Variants in ANKRD30B observed in about 807,000 individuals in gnomAD.
The protein encoded by ANKRD30B is ankyrin repeat domain-containing protein 30B.
Under a neutral mutation model 202.2 loss-of-function variants are expected in ANKRD30B, and 144 were observed. The observed-to-expected ratio is 0.71, with a 90% confidence interval of 0.62 to 0.82. ANKRD30B has a LOEUF of 0.82. Ranked by LOEUF, ANKRD30B falls within the 40% of genes least tolerant of loss-of-function variation. The probability of loss-of-function intolerance (pLI) is 0.00; values close to 1 mark genes in which losing one functional copy is unlikely to be tolerated. For missense variants in ANKRD30B, 1,487 were observed against 1,669.1 expected, an observed-to-expected ratio of 0.89 and a Z score of 1.90; for synonymous variants, 508 against 561.3, an observed-to-expected ratio of 0.91 and a Z score of 1.34.
Position 14,782,517 on chromosome 18 carries a change from C to G in ANKRD30B, c.1483-10C>G, listed in dbSNP as rs1967814586. On this transcript the variant is annotated splice_polypyrimidine_tract_variant and intron_variant, in intron 11 of 43. Transcript: ENST00000690538. ...AAATTGAAATTATCTATTGATACTA[C>G]TTTTAACAGAGTCTCTTTGAGAGTT... 1.3e-6 allele frequency: 2 copies of G among 1,540,846 alleles called. No individual in the cohort carries two copies. The highest frequency in any genetic ancestry group is 1.8e-6 in the Non-Finnish European group (2 of 1,141,986).
chr18:14,841,977 C>T, intron 37 of ANKRD30B, among the ~76,000 whole-genome samples: 1 of 152,214 alleles, frequency 6.6e-6, no homozygotes, highest in Non-Finnish European at 1.5e-5. Context: ...TTTAATGAAG[C>T]AAATTGTTTT....
At chr18:14,875,242 C>T in the ANKRD30B span, among the ~76,000 whole-genome samples, 32 of 152,262 alleles carry the variant, frequency 2.1e-4, 1 homozygote, top group Admixed American at 1.8e-3. Context: ...GCAAGGAAAC[C>T]CCATAACCTT....
At chr18:14,807,868 T>C (rs916034058) in intron 24 of ANKRD30B, among the ~76,000 whole-genome samples, 22 of 151,136 alleles carry the variant, frequency 1.5e-4, no homozygotes, top group Admixed American at 5.9e-4. Context: ...TTGACTTTTC[T>C]GTATAAGTGG....
intron 22 of ANKRD30B, among the ~76,000 whole-genome samples, chr18:14,800,240 C>T (rs1156487886): frequency 6.7e-6 from 1 of 149,102 alleles, no homozygotes; most frequent in African/African-American, 2.6e-5. Flanking sequence ...AAGCAAACAA[C>T]CATAAATTCA....
chr18:14,862,437 C>A, the ANKRD30B span, among the ~76,000 whole-genome samples: 1 of 152,152 alleles, frequency 6.6e-6, no homozygotes, highest in Non-Finnish European at 1.5e-5. Context: ...ACAAATGAGA[C>A]ATTGCAAAGG....
the ANKRD30B span, among the ~76,000 whole-genome samples, chr18:14,880,012 A>C: frequency 6.6e-6 from 1 of 152,102 alleles, no homozygotes; most frequent in Non-Finnish European, 1.5e-5. Flanking sequence ...TTTATGGTTC[A>C]GGAATTAGGT....
Position 14,805,744 on chromosome 18 carries a change from T to G in ANKRD30B, c.2284+1920T>G, listed in dbSNP as rs532507294. Among the ~76,000 whole-genome samples the G allele has an allele frequency of 1.6e-3, 246 of 150,996 alleles. 15 individuals carry two copies. Among genetic ancestry groups the G allele is most frequent in the African/African-American group, 5.7e-3 (235 of 40,898 alleles). ...GCATTCTACGTTCAGCTTTTGCATTTATTTTCTCAGTGTCATGATTTGCTC... is the reference window on the plus strand; with the variant it reads ...GCATTCTACGTTCAGCTTTTGCATTGATTTTCTCAGTGTCATGATTTGCTC... On this transcript the variant is annotated intron_variant, in intron 24 of 43. Transcript: ENST00000690538.
At chr18:14,902,094 AG>A in the ANKRD30B span, among the ~76,000 whole-genome samples, 1 of 152,218 alleles carries the variant, frequency 6.6e-6, no homozygotes. Context: ...TGAAAAAATC[AG>A]ATTTTGTGAG....
chr18:14,767,602 T>C (rs542958401), intron 7 of ANKRD30B, among the ~76,000 whole-genome samples: 22 of 152,264 alleles, frequency 1.4e-4, no homozygotes, highest in African/African-American at 4.8e-4. Flanking sequence ...TACTAATTAT[T>C]TCTGGCTATC....
the ANKRD30B span, among the ~76,000 whole-genome samples, chr18:14,922,083 T>C: frequency 2.6e-5 from 4 of 152,164 alleles, no homozygotes; most frequent in African/African-American, 9.7e-5. Context: ...AAAGACAGTC[T>C]TAAATTGCCA....
intron 20 of ANKRD30B, among the ~76,000 whole-genome samples, 151 bp downstream of exon 20, chr18:14,798,005 G>A (rs1339519649): frequency 6.6e-6 from 1 of 152,138 alleles, no homozygotes; most frequent in East Asian, 1.9e-4. Context: ...TTATGTTTGA[G>A]AAAATGTCAT....
At chr18:14,858,670 C>A (rs1379404781), downstream of ANKRD30B, among the ~76,000 whole-genome samples, 1 of 145,298 alleles carries the variant, frequency 6.9e-6, no homozygotes, top group African/African-American at 2.5e-5. Flanking sequence ...CAGAGGCACT[C>A]CTCACATCCC....
chr18:14,809,140 G>T (rs1969751381), intron 26 of ANKRD30B, among the ~76,000 whole-genome samples: 2 of 149,272 alleles, frequency 1.3e-5, no homozygotes, highest in African/African-American at 5.0e-5. Flanking sequence ...AGTTTAGTGA[G>T]GGTGGGGGTG....
At chr18:14,807,329 C>T (rs1969584884) in intron 24 of ANKRD30B, among the ~76,000 whole-genome samples, 1 of 150,686 alleles carries the variant, frequency 6.6e-6, no homozygotes. Context: ...TCTATAAAAG[C>T]TTTTTCATAA....
At chr18:14,869,002 A>T in the ANKRD30B span, among the ~76,000 whole-genome samples, 1 of 152,202 alleles carries the variant, frequency 6.6e-6, no homozygotes, top group Non-Finnish European at 1.5e-5. Flanking sequence ...CTTTTGCTAC[A>T]TGCCTCTCAG....
chr18:14,870,445 A>G, the ANKRD30B span, among the ~76,000 whole-genome samples: 1 of 152,206 alleles, frequency 6.6e-6, no homozygotes, highest in Non-Finnish European at 1.5e-5. Context: ...GGAAGGCCAG[A>G]AGTGACTTTT....
At chr18:14,883,439 C>G in the ANKRD30B span, 1 of 119,762 alleles carries the variant, frequency 8.3e-6, no homozygotes, top group Admixed American at 8.7e-5. Flanking sequence ...ATATATATCT[C>G]CTGTTCTGTA....
intron 30 of ANKRD30B, among the ~76,000 whole-genome samples, chr18:14,817,793 A>G (rs1970193357): frequency 6.6e-6 from 1 of 152,218 alleles, no homozygotes; most frequent in Non-Finnish European, 1.5e-5. Context: ...AAAGATATTA[A>G]TGAATCGAGA....
intron 4 of ANKRD30B, among the ~76,000 whole-genome samples, chr18:14,757,294 A>T (rs550906152): frequency 6.6e-6 from 1 of 152,310 alleles, no homozygotes. Context: ...TTTCTATGTG[A>T]AAAGGAGAAT....
Sources: allele counts gnomAD v4.1 joint callset (sites outside exome capture counted in the v4.1 genomes callset), GRCh38; gene constraint gnomAD v4.1.1; transcripts MANE v1.5; gene names NCBI Gene and HGNC (gene_info 2026-07-23, HGNC 2026-07-21).